The following KCNS1 variants were observed in gnomAD, a reference collection of about 807,000 sequenced individuals.
KCNS1 encodes the protein potassium voltage-gated channel modifier subfamily S member 1, also known as delayed-rectifier potassium channel regulatory subunit KCNS1.
KCNS1 carries 26 observed loss-of-function variants against 33.1 expected under a neutral mutation model. The ratio of observed to expected loss-of-function variants is 0.79; its 90% CI spans 0.58 to 1.09. The LOEUF (loss-of-function observed/expected upper bound fraction) is 1.09, where lower values mean the gene tolerates loss of function less well. Among genes scored for constraint, KCNS1 ranks in the 50% least tolerant of loss-of-function variants. KCNS1 has a pLI of 0.00. For missense variants in KCNS1, 702 were observed against 752.4 expected, an observed-to-expected ratio of 0.93 and a Z score of 0.78; for synonymous variants, 299 against 338.8, an observed-to-expected ratio of 0.88 and a Z score of 1.29.
chr20:45,096,572 TTGTC>T (rs1981191439), intron 3 of KCNS1, among the ~76,000 whole-genome samples: 1 of 152,262 alleles, frequency 6.6e-6, no homozygotes, highest in East Asian at 1.9e-4. Flanking sequence ...TCTTTTAGCA[TTGTC>T]TGGGGATTAT....
At position 45,095,225 on chromosome 20, in the gene KCNS1, G is replaced by T; in HGVS notation, c.1226C>A (p.Pro409Gln). The part of the protein sequence containing the change: ...KEEDVGFNTI[P>Q]ACWWWGTVSM... ...CACTGTGCCCCACCACCAGCAGGCT[G>T]GGATGGTGTTAAAGCCCACGTCCTC... Residue 409 changes from proline to glutamine, a missense_variant, in exon 4 of 4, where the codon CCA (proline) becomes CAA (glutamine). Physicochemically the swap from Pro to Gln is moderately conservative, Grantham distance 76. Coordinates refer to ENST00000537075, the MANE Select transcript of KCNS1 (RefSeq NM_001322799.2). 3 of 1,614,124 alleles carry T rather than the reference G, an allele frequency of 1.9e-6. No homozygotes were observed. Among genetic ancestry groups the T allele is most frequent in the Non-Finnish European group, 2.5e-6 (3 of 1,180,016 alleles).
Position 45,099,174 on chromosome 20 carries a change from TG to T in KCNS1, c.62del (p.Pro21GlnfsTer4). On this transcript the variant is annotated frameshift_variant, in exon 2 of 4. Coordinates refer to ENST00000537075, the MANE Select transcript of KCNS1 (RefSeq NM_001322799.2). LOFTEE classifies it high-confidence loss of function. ...YENLRSKVVL[P>X]TPLGGRSTET... is the part of the protein sequence containing the mutation. The stretch of plus-strand genomic sequence containing the variant: ...AGTAACACTTACCTCCTAGGGGTGT[TG>T]GCAGCACCACTTTAGACCGGAGGTT... 8 of 1,551,600 alleles carry T rather than the reference TG, an allele frequency of 5.2e-6. No homozygotes were observed. The highest frequency in any genetic ancestry group is 7.0e-6 in the Non-Finnish European group (8 of 1,146,908).
In KCNS1 at chr20:45,094,845, G is replaced by A; in HGVS notation, c.*25C>T. On this transcript the variant is annotated 3_prime_UTR_variant, in exon 4 of 4. Coordinates refer to ENST00000537075, the MANE Select transcript of KCNS1 (RefSeq NM_001322799.2). Reference sequence around the variant, plus strand: ...GGAGGAATCTCTACTGTAGGGGCATGGCAGGGGGTCACGGATCCCTGGTTT... The same window carrying A: ...GGAGGAATCTCTACTGTAGGGGCATAGCAGGGGGTCACGGATCCCTGGTTT... 1 of 1,568,652 alleles carries A rather than the reference G, an allele frequency of 6.4e-7. No homozygotes were observed. Among genetic ancestry groups the A allele is most frequent in the Non-Finnish European group, 8.7e-7 (1 of 1,148,814 alleles).
rs1981015343 is a variant in KCNS1, at chr20:45,092,058, T to A, written c.*2812A>T. Among the ~76,000 whole-genome samples the A allele has an allele frequency of 6.6e-6, 1 of 152,236 alleles. No individual in the cohort carries two copies. The stretch of plus-strand genomic sequence containing the variant: ...TGATGTCAGTTTGTTGCTTATACCC[T>A]CAAACTCTAATTGTTAACAGTCATT... On this transcript the variant is annotated 3_prime_UTR_variant, in exon 4 of 4. Coordinates refer to ENST00000537075, the MANE Select transcript of KCNS1 (RefSeq NM_001322799.2).
chr20:45,095,068 G>C lies in KCNS1; in HGVS notation c.1383C>G (p.Ser461=). ...LPITIIFNKF[S]HFYRRQKALE... ...GAGCCTTCTGGCGCCGGTAGAAGTG[G>C]GAGAACTTGTTGAAGATGATGGTGA... is the stretch of plus-strand genomic sequence containing the variant. Residue 461 remains serine, a synonymous_variant, in exon 4 of 4, where the codon TCC becomes TCG. Transcript: ENST00000537075. 1 of 1,614,040 alleles carries C rather than the reference G, an allele frequency of 6.2e-7. No homozygotes were observed.
In KCNS1 at chr20:45,098,186, C is replaced by A; in HGVS notation, c.586G>T (p.Ala196Ser). The A allele has an allele frequency of 6.2e-7, 1 of 1,603,574 alleles. No homozygotes were observed. The highest frequency in any genetic ancestry group is 8.5e-7 in the Non-Finnish European group (1 of 1,176,066). The stretch of plus-strand genomic sequence containing the variant: ...CGGCGCAGGCGGCCACAGCGCGCCG[C>A]GCCATAGCGCGCCAGTTCTCGCTGC... The part of the protein sequence containing the change: ...DVQRELARYG[A>S]ARCGRLRRRL... Residue 196 changes from alanine (A) to serine (S), a missense_variant, in exon 3 of 4, where the codon GCG becomes TCG. Physicochemically the swap from Ala to Ser is moderately conservative, Grantham distance 99. This residue lies in a region of KCNS1 where 374 missense variants were observed against 352.3 expected (regional missense o/e 1.06). Coordinates refer to ENST00000537075, the MANE Select transcript of KCNS1 (RefSeq NM_001322799.2). This position sits in a 1 kb window ranked among gnomAD's most constrained non-coding sequence, Gnocchi z 5.2.
rs956854466 is a variant in KCNS1, at chr20:45,091,616, T to C, written c.*3254A>G. On this transcript the variant is annotated 3_prime_UTR_variant, in exon 4 of 4. Transcript: ENST00000537075. ...CTGGAACCCGTAACTATTACCTTATTTGGGAAAGGGTCTTTTTGCAAATGT... is the reference window on the plus strand; with the variant it reads ...CTGGAACCCGTAACTATTACCTTATCTGGGAAAGGGTCTTTTTGCAAATGT... Among the ~76,000 whole-genome samples the C allele has an allele frequency of 7.2e-5, 11 of 152,188 alleles. No homozygotes were observed. The highest frequency in any genetic ancestry group is 1.5e-4 in the Non-Finnish European group (10 of 68,028).
At position 45,094,521 on chromosome 20, in the gene KCNS1, A is replaced by C; in HGVS notation, c.*349T>G. ...CTTAGCCTTGGTTTCCTCATCTGTG[A>C]AGTGGGGATAATTCTCTTTCTCCAA... On this transcript the variant is annotated 3_prime_UTR_variant, in exon 4 of 4. Coordinates refer to ENST00000537075, the MANE Select transcript of KCNS1 (RefSeq NM_001322799.2). The C allele has an allele frequency of 4.9e-6, 1 of 204,046 alleles. No homozygotes were observed. Among genetic ancestry groups the C allele is most frequent in the East Asian group, 1.2e-4 (1 of 8,136 alleles). The allele number at this position is 204,046 out of a possible 1,614,324, so 12.6% of individuals were successfully genotyped here.
rs1981143950 is a variant in KCNS1, at chr20:45,095,176, C to G, written c.1275G>C (p.Gly425=). ...GTVSMTTVGY[G]DVVPVTVAGK... is the part of the protein sequence containing the mutation. Reference sequence around the variant, plus strand: ...CAGCCACCGTCACTGGCACCACATCCCCATAGCCCACGGTGGTCATGCTCA... The same window carrying G: ...CAGCCACCGTCACTGGCACCACATCGCCATAGCCCACGGTGGTCATGCTCA... Residue 425 remains glycine, a synonymous_variant, in exon 4 of 4, where the codon GGG becomes GGC. Coordinates refer to ENST00000537075, the MANE Select transcript of KCNS1 (RefSeq NM_001322799.2). 2.5e-6 allele frequency: 4 copies of G among 1,614,022 alleles called. No homozygotes were observed. In the South Asian group the frequency reaches 4.4e-5, roughly 18 times the overall value.
intron 1 of KCNS1, 86 bp downstream of exon 1, chr20:45,100,835 C>A (rs2145517135): frequency 6.5e-6 from 1 of 153,372 alleles, no homozygotes; most frequent in African/African-American, 2.4e-5. Context: ...GGTAAGAGCA[C>A]CAGGAGCCCC....
chr20:45,098,526 C>G lies in KCNS1; in HGVS notation c.246G>C (p.Ala82=), dbSNP rs1467631209. Residue 82 remains alanine (A), a synonymous_variant, in exon 3 of 4, where the codon GCG becomes GCC. Transcript: ENST00000537075. This position sits in a 1 kb window ranked among gnomAD's most constrained non-coding sequence, Gnocchi z 5.2. ...PGTRLGRLQA[A]ASEEQARRLC... is the part of the protein sequence containing the mutation. ...GGCGCCGCGCCTGCTCCTCCGACGC[C>G]GCGGCCTGCAGGCGGCCCAGCCGCG... 24 of 1,505,156 alleles carry G rather than the reference C, an allele frequency of 1.6e-5. No individual in the cohort carries two copies. Among genetic ancestry groups the G allele is most frequent in the Non-Finnish European group, 2.0e-5 (23 of 1,125,386 alleles). 93.2% of individuals were successfully genotyped at this position (1,505,156 alleles called of 1,614,324 possible).
intron 3 of KCNS1, 124 bp from the exon 4 acceptor site, chr20:45,095,464 G>A (rs1302360020): frequency 2.3e-6 from 2 of 854,442 alleles, no homozygotes; most frequent in Non-Finnish European, 3.5e-6. Flanking sequence ...GATAGAGCTG[G>A]TGCTAAGGCC....
chr20:45,100,609 C>A (rs1278785886), intron 1 of KCNS1, among the ~76,000 whole-genome samples: 4 of 152,196 alleles, frequency 2.6e-5, no homozygotes, highest in Non-Finnish European at 5.9e-5. Context: ...TTATTTCATT[C>A]TCTCTCCACA....
chr20:45,097,930 G>T lies in KCNS1; in HGVS notation c.842C>A (p.Ala281Asp). Residue 281 changes from alanine to aspartate, a missense_variant, in exon 3 of 4, where the codon GCC becomes GAC. Ala to Asp is a moderately radical substitution (Grantham distance 126). Transcript: ENST00000537075. ...CGACGACACCTCGAAGCTGAACCAG[G>T]CGATGCAGAAGTACTCGAGGCGTCG... ...VLRRLEYFCI[A>D]WFSFEVSSRL... The T allele has an allele frequency of 6.3e-7, 1 of 1,593,906 alleles. No individual in the cohort carries two copies. Among genetic ancestry groups the T allele is most frequent in the East Asian group, 2.3e-5 (1 of 43,596 alleles).
intron 3 of KCNS1, among the ~76,000 whole-genome samples, chr20:45,095,843 G>T (rs1207808015): frequency 6.6e-6 from 1 of 152,156 alleles, no homozygotes; most frequent in East Asian, 1.9e-4. Flanking sequence ...TGTCCCTGAG[G>T]CCAAGCTCTA....
intron 1 of KCNS1, among the ~76,000 whole-genome samples, chr20:45,100,692 C>G (rs1981361881): frequency 6.6e-6 from 1 of 152,226 alleles, no homozygotes; most frequent in African/African-American, 2.4e-5. Flanking sequence ...GGTTTAATCC[C>G]TACACCAACC....
Position 45,094,544 on chromosome 20 carries a change from C to A in KCNS1, c.*326G>T, listed in dbSNP as rs186654237. ...TGAAGTGGGGATAATTCTCTTTCTC[C>A]AACACAAGGCCAAACATGACCTGGT... On this transcript the variant is annotated 3_prime_UTR_variant, in exon 4 of 4. Coordinates refer to ENST00000537075, the MANE Select transcript of KCNS1 (RefSeq NM_001322799.2). The A allele has an allele frequency of 3.8e-3, 904 of 235,180 alleles. 5 individuals are homozygous for A. Among genetic ancestry groups the A allele is most frequent in the Non-Finnish European group, 5.7e-3 (684 of 119,958 alleles). The allele number at this position is 235,180 out of a possible 1,614,324, so 14.6% of individuals were successfully genotyped here. A position where few individuals can be genotyped will look rare whatever the true frequency, so the allele number is the denominator to read the frequency against.
rs773168016 is a variant in KCNS1, at chr20:45,099,369, G to A, written c.-3-130C>T. The A allele has an allele frequency of 5.5e-4, 358 of 648,812 alleles. 1 individual carries two copies. The highest frequency in any genetic ancestry group is 2.6e-4 in the Admixed American group (12 of 45,284). 40.2% of individuals were successfully genotyped at this position (648,812 alleles called of 1,614,324 possible). A position where few individuals can be genotyped will look rare whatever the true frequency, so the allele number is the denominator to read the frequency against. ...GTGATTCGGCTACATAGTCAAGTTT[G>A]AGAGCTCCTGCTTTAGATTATGTAA... On this transcript the variant is annotated intron_variant, in intron 1 of 3. Transcript: ENST00000537075.
rs1002984834 is a variant in KCNS1 at position 45,098,288 on chromosome 20, T to G, written c.484A>C (p.Thr162Pro). 7.6e-6 allele frequency: 12 copies of G among 1,579,532 alleles called. No homozygotes were observed. The highest frequency in any genetic ancestry group is 9.4e-6 in the Non-Finnish European group (11 of 1,165,984). The change falls in exon 3 of 4, where the codon ACC becomes CCC. Residue 162 changes from threonine to proline, a missense_variant. Around this residue, in one of 3 missense-constraint regions of KCNS1, gnomAD observed 374 missense variants for 352.3 expected, o/e 1.06. Transcript: ENST00000537075. This position sits in a 1 kb window ranked among gnomAD's most constrained non-coding sequence, Gnocchi z 5.2. ...TCCTCGTCCCAGGCGTGCGGCTGGG[T>G]CAGCCGCCTCTCCAGGTAGCGCGCG... ...CRARYLERRL[T>P]QPHAWDEDSD... is the part of the protein sequence containing the mutation.
Sources: allele counts gnomAD v4.1 joint callset (sites outside exome capture counted in the v4.1 genomes callset), GRCh38; gene constraint gnomAD v4.1.1; regional missense constraint gnomAD v4.1.1; non-coding constraint Gnocchi (gnomAD v3.1); transcripts MANE v1.5; gene names NCBI Gene and HGNC (gene_info 2026-07-23, HGNC 2026-07-21).